Variants in FGF14 observed in about 807,000 individuals in gnomAD.
FGF14 encodes the protein fibroblast growth factor homologous factor 4.
FGF14 carries 5 observed loss-of-function variants against 25.5 expected under a neutral mutation model. The observed-to-expected ratio is 0.20, with a 90% CI of 0.10 to 0.41. The LOEUF is 0.41. Among genes scored for constraint, FGF14 ranks in the 10% least tolerant of loss-of-function variants. The pLI, the probability that FGF14 is intolerant of heterozygous loss-of-function variation, is 1.00. For missense variants in FGF14, 222 were observed against 320.1 expected, an observed-to-expected ratio of 0.69 and a Z score of 2.34; for synonymous variants, 138 against 118.3, an observed-to-expected ratio of 1.17 and a Z score of -1.08.
intron 1 of FGF14, among the ~76,000 whole-genome samples, chr13:102,398,829 GTAAGA>G (rs1177232325): frequency 1.3e-5 from 2 of 149,876 alleles, no homozygotes; most frequent in Non-Finnish European, 3.0e-5. Context: ...CTTTTAGAAG[GTAAGA>G]TAAATAATGT....
chr13:101,812,911 C>T (rs540059485), intron 3 of FGF14, among the ~76,000 whole-genome samples: 36 of 151,978 alleles, frequency 2.4e-4, no homozygotes, highest in African/African-American at 8.0e-4. Context: ...AGGTGATCCA[C>T]CTGCCTCAGC....
intron 1 of FGF14, among the ~76,000 whole-genome samples, chr13:102,076,912 A>G (rs2043389744): frequency 6.6e-6 from 1 of 152,180 alleles, no homozygotes; most frequent in Non-Finnish European, 1.5e-5. Context: ...GCAAAGTACT[A>G]TCACATAGAG....
intron 1 of FGF14, among the ~76,000 whole-genome samples, chr13:102,105,583 G>A (rs2044867732): frequency 6.6e-6 from 1 of 152,186 alleles, no homozygotes; most frequent in Middle Eastern, 3.2e-3. Flanking sequence ...CATTATTGGA[G>A]AGTAGATTTC....
chr13:101,969,789 G>A (rs2037483596), intron 1 of FGF14, among the ~76,000 whole-genome samples: 1 of 152,188 alleles, frequency 6.6e-6, no homozygotes, highest in Non-Finnish European at 1.5e-5. Flanking sequence ...GAGGCCCTGA[G>A]TTGTGATGAC....
intron 2 of FGF14, among the ~76,000 whole-genome samples, chr13:101,874,814 C>T (rs1220398907): frequency 6.6e-6 from 1 of 151,976 alleles, no homozygotes; most frequent in African/African-American, 2.4e-5. Flanking sequence ...TCGTTAAGAA[C>T]CTCAGAGCCT....
intron 1 of FGF14, among the ~76,000 whole-genome samples, chr13:102,340,430 T>C (rs1181986331): frequency 6.8e-6 from 1 of 147,612 alleles, no homozygotes; most frequent in Non-Finnish European, 1.5e-5. Context: ...CTTGCCACAG[T>C]ACAAACACAT....
intron 3 of FGF14, among the ~76,000 whole-genome samples, chr13:101,744,224 T>C (rs1180891319): frequency 1.3e-5 from 2 of 152,102 alleles, no homozygotes; most frequent in Non-Finnish European, 2.9e-5. Context: ...AGTAGCATGC[T>C]AGAGCCTGGC....
chr13:102,201,915 TC>T (rs1255651969), intron 1 of FGF14, among the ~76,000 whole-genome samples: 1 of 152,146 alleles, frequency 6.6e-6, no homozygotes, highest in African/African-American at 2.4e-5. Flanking sequence ...TGGATTATAA[TC>T]CCCAGTGTTG....
chr13:102,253,870 T>C (rs1490835748), intron 1 of FGF14, among the ~76,000 whole-genome samples: 1 of 152,198 alleles, frequency 6.6e-6, no homozygotes, highest in Non-Finnish European at 1.5e-5. Context: ...AGCCTCTTAA[T>C]TAAGGAACCC....
upstream of FGF14, among the ~76,000 whole-genome samples, chr13:101,921,942 G>A (rs183428381): frequency 6.6e-6 from 1 of 152,080 alleles, no homozygotes; most frequent in Non-Finnish European, 1.5e-5. Flanking sequence ...TACATAGCAC[G>A]TACAACTTTT....
At chr13:102,200,871 G>A (rs2049590967) in intron 1 of FGF14, among the ~76,000 whole-genome samples, 1 of 152,004 alleles carries the variant, frequency 6.6e-6, no homozygotes, top group African/African-American at 2.4e-5. Context: ...GGGAGGACAA[G>A]GCGGGCGGAT....
In FGF14 at chr13:101,722,087, G is replaced by A. The variant is rs79379700; in HGVS notation, c.*744C>T. Reference sequence around the variant, plus strand: ...ACACATATCATAGAGAGCTTCCCTGGATTGTGTTTGAGCCATTTCCCACCC... The same window carrying A: ...ACACATATCATAGAGAGCTTCCCTGAATTGTGTTTGAGCCATTTCCCACCC... On this transcript the variant is annotated 3_prime_UTR_variant, in exon 5 of 5. Transcript: ENST00000376143. The A allele has an allele frequency of 1.3e-5, 2 of 153,114 alleles. No homozygotes were observed. The highest frequency in any genetic ancestry group is 1.5e-5 in the Non-Finnish European group (1 of 68,876). The allele number at this position is 153,114 out of a possible 1,614,324, so 9.5% of individuals were successfully genotyped here.
intron 3 of FGF14, among the ~76,000 whole-genome samples, chr13:101,858,178 G>T (rs1010936171): frequency 1.3e-5 from 2 of 150,430 alleles, no homozygotes; most frequent in African/African-American, 4.9e-5. Context: ...TGCCTGACAG[G>T]TACCTCCCAT....
chr13:102,171,183 A>C (rs1404514697), intron 1 of FGF14, among the ~76,000 whole-genome samples: 2 of 152,160 alleles, frequency 1.3e-5, no homozygotes, highest in African/African-American at 2.4e-5. Flanking sequence ...TAACGTATTG[A>C]TCGATCCCGC....
chr13:102,193,276 C>T (rs901409677), intron 1 of FGF14, among the ~76,000 whole-genome samples: 5 of 152,104 alleles, frequency 3.3e-5, no homozygotes, highest in African/African-American at 7.2e-5. Flanking sequence ...TTGGAGCATG[C>T]GTGTGGAATG....
In FGF14 at chr13:102,037,307, T is replaced by C. The variant is rs570408391; in HGVS notation, c.209-162011A>G. Among the ~76,000 whole-genome samples the C allele has an allele frequency of 5.9e-4, 90 of 152,274 alleles. 1 individual carries two copies. Among genetic ancestry groups the C allele is most frequent in the Non-Finnish European group, 1.1e-3 (78 of 68,022 alleles). On this transcript the variant is annotated intron_variant, in intron 1 of 4. Transcript: ENST00000376131. ...TCTCAGTGGACTAAAATCAGGGTTG[T>C]GTTCCTTCCTGGAGTCTCTAAGGAA...
chr13:101,772,745 C>T (rs545936122), intron 3 of FGF14, among the ~76,000 whole-genome samples: 38 of 152,120 alleles, frequency 2.5e-4, no homozygotes, highest in South Asian at 1.2e-3. Flanking sequence ...TAATTTCTGG[C>T]GTTCTGTTAA....
At chr13:102,222,822 A>G (rs868194059) in intron 1 of FGF14, among the ~76,000 whole-genome samples, 58 of 152,262 alleles carry the variant, frequency 3.8e-4, no homozygotes, top group African/African-American at 1.3e-3. Flanking sequence ...ATACAGCATC[A>G]GAAATGAACA....
At chr13:102,051,700 C>G (rs745470996) in intron 1 of FGF14, among the ~76,000 whole-genome samples, 3 of 152,206 alleles carry the variant, frequency 2.0e-5, no homozygotes, top group Non-Finnish European at 2.9e-5. Flanking sequence ...AGCACCCTTA[C>G]TGGTGTCAGA....
Sources: allele counts gnomAD v4.1 joint callset (sites outside exome capture counted in the v4.1 genomes callset), GRCh38; gene constraint gnomAD v4.1.1; transcripts MANE v1.5; gene names NCBI Gene and HGNC (gene_info 2026-07-23, HGNC 2026-07-21).